Variants in SPOCK3 observed in about 807,000 individuals in gnomAD.
SPOCK3 encodes SPARC (osteonectin), cwcv and kazal like domains proteoglycan 3, also known as testican-3.
In SPOCK3, 30 loss-of-function variants were observed where a neutral mutation model predicts 56.6. That is an observed-to-expected ratio of 0.53 (90% CI 0.40 to 0.72). The LOEUF (loss-of-function observed/expected upper bound fraction) is 0.72, where lower values mean the gene tolerates loss of function less well. Ranked by LOEUF, SPOCK3 falls within the 30% of genes least tolerant of loss-of-function variation. The probability of loss-of-function intolerance (pLI) is 0.00; values close to 1 mark genes in which losing one functional copy is unlikely to be tolerated. For missense variants in SPOCK3, 527 were observed against 530.0 expected, an observed-to-expected ratio of 0.99 and a Z score of 0.06; for synonymous variants, 196 against 183.3, an observed-to-expected ratio of 1.07 and a Z score of -0.56.
At chr4:167,155,737 A>G (rs1175575898) in intron 2 of SPOCK3, among the ~76,000 whole-genome samples, 2 of 152,168 alleles carry the variant, frequency 1.3e-5, no homozygotes, top group East Asian at 3.9e-4. Context: ...AATAGCAGGG[A>G]GAAAAATATT....
chr4:166,840,073 T>C (rs577785950), intron 6 of SPOCK3, among the ~76,000 whole-genome samples: 1 of 152,320 alleles, frequency 6.6e-6, no homozygotes, highest in South Asian at 2.1e-4. Flanking sequence ...ACCTCCTCAG[T>C]TAAAGGGTCT....
intron 6 of SPOCK3, among the ~76,000 whole-genome samples, chr4:166,818,501 C>G (rs1481216358): frequency 6.6e-6 from 1 of 151,950 alleles, no homozygotes; most frequent in Non-Finnish European, 1.5e-5. Context: ...TTAAGTGTAA[C>G]TTACTTTCGA....
chr4:166,900,512 G>A (rs1735923454), intron 5 of SPOCK3, among the ~76,000 whole-genome samples: 1 of 152,120 alleles, frequency 6.6e-6, no homozygotes, highest in African/African-American at 2.4e-5. Context: ...ATGCAAGGAG[G>A]CTATATATAC....
intron 2 of SPOCK3, among the ~76,000 whole-genome samples, chr4:167,135,742 C>G (rs1370534679): frequency 2.0e-5 from 3 of 149,268 alleles, no homozygotes; most frequent in African/African-American, 7.5e-5. Flanking sequence ...TGTTTTAATT[C>G]ACCAGAAACT....
chr4:167,100,141 A>G (rs547335283), intron 2 of SPOCK3, among the ~76,000 whole-genome samples: 2 of 152,230 alleles, frequency 1.3e-5, no homozygotes, highest in South Asian at 4.1e-4. Flanking sequence ...CCTATAAAAT[A>G]TTTTATTTCC....
At chr4:166,754,223 T>G in intron 8 of SPOCK3, 1 of 1,102,848 alleles carries the variant, frequency 9.1e-7, no homozygotes, top group South Asian at 3.8e-5. Flanking sequence ...GTATCTAAGT[T>G]CTTAATATTT....
At chr4:166,912,571 A>G (rs772406123) in intron 5 of SPOCK3, 49 bp downstream of exon 5, 2 of 1,557,486 alleles carry the variant, frequency 1.3e-6, no homozygotes, top group Non-Finnish European at 1.8e-6. Flanking sequence ...TCATTTACTA[A>G]TAAGTATGCA....
chr4:167,088,174 A>G (rs1197929482), intron 2 of SPOCK3, among the ~76,000 whole-genome samples: 2 of 152,184 alleles, frequency 1.3e-5, no homozygotes, highest in African/African-American at 2.4e-5. Flanking sequence ...GATGCCTTCT[A>G]TAACATGGAT....
chr4:167,135,459 T>G (rs1188999702), intron 2 of SPOCK3, among the ~76,000 whole-genome samples: 1 of 152,166 alleles, frequency 6.6e-6, no homozygotes, highest in Non-Finnish European at 1.5e-5. Context: ...TAATTTTAAT[T>G]AGATTCAATC....
intron 4 of SPOCK3, among the ~76,000 whole-genome samples, chr4:166,957,733 C>T (rs562844467): frequency 8.5e-4 from 130 of 152,266 alleles, no homozygotes; most frequent in Non-Finnish European, 1.5e-3. Context: ...GACTAACCTG[C>T]GGTGTTTTGG....
At chr4:167,070,754 A>G (rs1315393755) in intron 2 of SPOCK3, among the ~76,000 whole-genome samples, 1 of 152,008 alleles carries the variant, frequency 6.6e-6, no homozygotes, top group African/African-American at 2.4e-5. Context: ...AAGCCAATAA[A>G]TTTCACAAAA....
intron 10 of SPOCK3, 26 bp downstream of exon 10, chr4:166,737,441 A>G: frequency 6.3e-7 from 1 of 1,599,302 alleles, no homozygotes; most frequent in South Asian, 1.1e-5. Context: ...TTAGAAAATT[A>G]TGAAATAAGT....
intron 8 of SPOCK3, among the ~76,000 whole-genome samples, chr4:166,743,439 TC>T (rs200511683): frequency 3.0e-5 from 4 of 134,602 alleles, no homozygotes; most frequent in African/African-American, 1.1e-4. Context: ...TCTTGCAGAA[TC>T]TAAAAAAAAA....
intron 3 of SPOCK3, among the ~76,000 whole-genome samples, chr4:167,002,113 C>T (rs1024088274): frequency 6.6e-6 from 1 of 151,968 alleles, no homozygotes; most frequent in African/African-American, 2.4e-5. Flanking sequence ...CGCCCACCAC[C>T]ATGCCCAGAT....
chr4:167,078,860 T>C (rs867300303), intron 2 of SPOCK3, among the ~76,000 whole-genome samples: 10 of 152,034 alleles, frequency 6.6e-5, no homozygotes, highest in Middle Eastern at 6.8e-3. Flanking sequence ...ACAGTCGTCT[T>C]ATATTGCAGC....
At chr4:167,142,323 T>C (rs574289234) in intron 2 of SPOCK3, among the ~76,000 whole-genome samples, 2 of 151,988 alleles carry the variant, frequency 1.3e-5, no homozygotes, top group South Asian at 2.1e-4. Flanking sequence ...CACTAAGGCA[T>C]AATAGGTTGA....
intron 4 of SPOCK3, among the ~76,000 whole-genome samples, chr4:166,975,105 A>C: frequency 6.6e-6 from 1 of 152,260 alleles, no homozygotes; most frequent in East Asian, 1.9e-4. Flanking sequence ...GTTAGGGTAC[A>C]GCATGAGGCC....
intron 2 of SPOCK3, among the ~76,000 whole-genome samples, chr4:167,127,063 A>G (rs555169755): frequency 1.3e-5 from 2 of 152,172 alleles, no homozygotes; most frequent in Non-Finnish European, 2.9e-5. Flanking sequence ...AGAATAGACA[A>G]TTGGGTGAGG....
chr4:167,042,044 T>A (rs905920569), intron 3 of SPOCK3, among the ~76,000 whole-genome samples: 1 of 152,192 alleles, frequency 6.6e-6, no homozygotes, highest in Non-Finnish European at 1.5e-5. Context: ...TTCCCTCCTA[T>A]TAGAATTTTA....
Sources: allele counts gnomAD v4.1 joint callset (sites outside exome capture counted in the v4.1 genomes callset), GRCh38; gene constraint gnomAD v4.1.1; transcripts MANE v1.5; gene names NCBI Gene and HGNC (gene_info 2026-07-23, HGNC 2026-07-21).